NR2C2: variants seen among roughly 807,000 people sequenced by gnomAD.
NR2C2 encodes the protein Nuclear hormone receptor TR4.
A neutral mutation model predicts 62.9 loss-of-function variants in NR2C2; 6 were observed. The ratio of observed to expected loss-of-function variants is 0.10; its 90% CI spans 0.05 to 0.19. The LOEUF (loss-of-function observed/expected upper bound fraction) is 0.19, where lower values mean the gene tolerates loss of function less well. Among genes scored for constraint, NR2C2 ranks in the 10% least tolerant of loss-of-function variants. NR2C2 has a pLI of 1.00. For missense variants in NR2C2, 479 were observed against 762.7 expected, an observed-to-expected ratio of 0.63 and a Z score of 4.38; for synonymous variants, 272 against 273.8, an observed-to-expected ratio of 0.99 and a Z score of 0.07.
At chr3:14,994,029 A>T (rs1355111485) in intron 1 of NR2C2, among the ~76,000 whole-genome samples, 1 of 152,098 alleles carries the variant, frequency 6.6e-6, no homozygotes, top group African/African-American at 2.4e-5. Flanking sequence ...TGTGCGCACA[A>T]CCCCAACATG....
At chr3:14,956,188 A>C (rs990431176) in intron 1 of NR2C2, among the ~76,000 whole-genome samples, 1 of 152,232 alleles carries the variant, frequency 6.6e-6, no homozygotes, top group East Asian at 1.9e-4. Flanking sequence ...TTTGTATTAC[A>C]CTAAACCTGC....
At position 14,972,929 on chromosome 3, in the gene NR2C2, C is replaced by G. The variant is rs569611035; in HGVS notation, c.-40+25023C>G. Among the ~76,000 whole-genome samples, 3 of 152,292 alleles carry G rather than the reference C, an allele frequency of 2.0e-5. No individual in the cohort carries two copies. In the East Asian group the frequency reaches 5.8e-4, roughly 29 times the overall value. ...ACCAAGAGGACGGTCTTAAACCATTCATGAGCACTCCATCCCCATGATCCG... is the reference window on the plus strand; with the variant it reads ...ACCAAGAGGACGGTCTTAAACCATTGATGAGCACTCCATCCCCATGATCCG... On this transcript the variant is annotated intron_variant, in intron 1 of 13. Transcript: ENST00000425241.
intron 8 of NR2C2, 97 bp downstream of exon 8, chr3:15,028,816 T>C: frequency 7.7e-6 from 10 of 1,292,576 alleles, no homozygotes; most frequent in Non-Finnish European, 1.1e-5. Flanking sequence ...GTGCTGTATT[T>C]AACTAAGGAT....
chr3:15,010,880 G>A (rs1294128269), intron 2 of NR2C2, among the ~76,000 whole-genome samples: 2 of 152,152 alleles, frequency 1.3e-5, no homozygotes, highest in Non-Finnish European at 2.9e-5. Flanking sequence ...ATGACATGCT[G>A]GTTATCTGTG....
intron 10 of NR2C2, 32 bp from the exon 11 acceptor site, chr3:15,034,638 C>T (rs2042060151): frequency 3.1e-6 from 5 of 1,607,978 alleles, no homozygotes; most frequent in African/African-American, 1.3e-5. Context: ...TGCCAACACA[C>T]ACCACACTCA....
At chr3:14,968,279 A>G (rs2039923047) in intron 1 of NR2C2, among the ~76,000 whole-genome samples, 1 of 152,234 alleles carries the variant, frequency 6.6e-6, no homozygotes, top group Non-Finnish European at 1.5e-5. Context: ...AATGAACTCA[A>G]AGAAATTTAC....
intron 2 of NR2C2, among the ~76,000 whole-genome samples, chr3:15,008,230 TTA>T (rs2041248175): frequency 6.6e-6 from 1 of 151,498 alleles, no homozygotes; most frequent in Non-Finnish European, 1.5e-5. Flanking sequence ...GTTTTTTTTT[TTA>T]AATTAGGGGG....
At chr3:15,014,613 A>G (rs753459690) in intron 3 of NR2C2, among the ~76,000 whole-genome samples, 13 of 151,960 alleles carry the variant, frequency 8.6e-5, no homozygotes, top group Non-Finnish European at 1.8e-4. Context: ...TCCTCTTCCT[A>G]AGCTGAAACT....
chr3:14,995,351 A>G (rs2040803442), intron 1 of NR2C2, among the ~76,000 whole-genome samples: 1 of 147,396 alleles, frequency 6.8e-6, no homozygotes, highest in African/African-American at 2.5e-5. Context: ...CACACTCCTT[A>G]GCTCTCACCC....
intron 1 of NR2C2, among the ~76,000 whole-genome samples, chr3:14,996,432 A>G (rs896636657): frequency 3.3e-5 from 5 of 152,264 alleles, no homozygotes; most frequent in Admixed American, 6.5e-5. Flanking sequence ...TTGTGACAGT[A>G]TCAGTTATCA....
chr3:14,980,067 A>C (rs565012010), intron 1 of NR2C2, among the ~76,000 whole-genome samples: 160 of 152,190 alleles, frequency 1.1e-3, no homozygotes, highest in Non-Finnish European at 1.6e-3. Flanking sequence ...TTAGGTGGCC[A>C]TATTATATAC....
chr3:14,994,210 T>C (rs886114134), intron 1 of NR2C2, among the ~76,000 whole-genome samples: 2 of 152,214 alleles, frequency 1.3e-5, no homozygotes, highest in Non-Finnish European at 2.9e-5. Context: ...CTTTTTATTG[T>C]AGTATAACAT....
chr3:14,983,462 TACACAC>T lies in NR2C2; in HGVS notation c.-39-20386_-39-20381del, dbSNP rs34788861. ...AGGTTAATCTGGATTATACTCTTTA[TACACAC>T]ACACACACACACACACACACACACA... On this transcript the variant is annotated intron_variant, in intron 1 of 13. Transcript: ENST00000425241. Among the ~76,000 whole-genome samples, 641 of 146,878 alleles carry T rather than the reference TACACAC, an allele frequency of 4.4e-3. 8 individuals carry two copies. The highest frequency in any genetic ancestry group is 0.015 in the African/African-American group (595 of 39,912).
intron 1 of NR2C2, among the ~76,000 whole-genome samples, chr3:14,965,768 A>G (rs2039833460): frequency 6.6e-6 from 1 of 151,952 alleles, no homozygotes; most frequent in Admixed American, 6.6e-5. Flanking sequence ...GGTTCAAGCT[A>G]TTCTCCTGCC....
At chr3:14,957,893 C>T (rs1165260990) in intron 1 of NR2C2, among the ~76,000 whole-genome samples, 2 of 147,886 alleles carry the variant, frequency 1.4e-5, no homozygotes, top group Non-Finnish European at 3.0e-5. Context: ...CAGCCTCTCT[C>T]CTTCCCTGGT....
At chr3:15,022,890 T>G (rs1026184907) in intron 5 of NR2C2, among the ~76,000 whole-genome samples, 1 of 152,144 alleles carries the variant, frequency 6.6e-6, no homozygotes, top group Non-Finnish European at 1.5e-5. Flanking sequence ...CATAAAATAA[T>G]AGCATAAAAT....
At chr3:15,008,057 A>T (rs527482517) in intron 2 of NR2C2, among the ~76,000 whole-genome samples, 10 of 152,270 alleles carry the variant, frequency 6.6e-5, no homozygotes, top group African/African-American at 2.4e-4. Flanking sequence ...CCTCATCTAA[A>T]GAGGTAGCCA....
At chr3:15,039,911 G>A (rs1324879475) in intron 13 of NR2C2, among the ~76,000 whole-genome samples, 2 of 152,182 alleles carry the variant, frequency 1.3e-5, no homozygotes, top group African/African-American at 2.4e-5. Flanking sequence ...AGCACTTTGG[G>A]AGGCTGAGGC....
At chr3:14,973,397 T>TA (rs201377726) in intron 1 of NR2C2, among the ~76,000 whole-genome samples, 6,175 of 150,196 alleles carry the variant, frequency 0.041, 435 homozygotes, top group African/African-American at 0.14. Context: ...CAGGCTAATT[T>TA]AAAAAAAAAA....
Sources: gnomAD v4.1 joint callset for allele counts (sites outside exome capture counted in the v4.1 genomes callset) on GRCh38, gnomAD v4.1.1 for gene constraint, MANE v1.5 for transcripts, NCBI Gene and HGNC (gene_info 2026-07-23, HGNC 2026-07-21) for gene names.